PCDH15: variants seen among roughly 807,000 people sequenced by gnomAD.
PCDH15 encodes protocadherin-15.
In PCDH15, 129 loss-of-function variants were observed where a neutral mutation model predicts 178.5. That is an observed-to-expected ratio of 0.72 (90% CI 0.63 to 0.84). PCDH15 has a LOEUF of 0.84. Among genes scored for constraint, PCDH15 ranks in the 40% least tolerant of loss-of-function variants. PCDH15 has a pLI of 0.00. For synonymous variants in PCDH15, 800 were observed against 732.0 expected, an observed-to-expected ratio of 1.09 and a Z score of -1.50; for missense variants, 2,230 against 2,099.9, an observed-to-expected ratio of 1.06 and a Z score of -1.21.
intron 3 of PCDH15, among the ~76,000 whole-genome samples, chr10:54,413,466 C>T (rs892591124): frequency 6.6e-6 from 1 of 152,104 alleles, no homozygotes; most frequent in Admixed American, 6.5e-5. Flanking sequence ...ATTTTATGTA[C>T]ACTACTATTT....
At chr10:54,548,318 T>C (rs2086117702) in intron 2 of PCDH15, among the ~76,000 whole-genome samples, 1 of 148,350 alleles carries the variant, frequency 6.7e-6, no homozygotes. Flanking sequence ...CCTTTAACAG[T>C]TTTAGATTTT....
chr10:54,274,790 G>A (rs1006581514), intron 8 of PCDH15, among the ~76,000 whole-genome samples: 2 of 151,874 alleles, frequency 1.3e-5, no homozygotes, highest in African/African-American at 4.8e-5. Flanking sequence ...TAATGCAGAA[G>A]CCTTCATAAC....
intron 3 of PCDH15, among the ~76,000 whole-genome samples, chr10:54,888,789 C>CTTTTTTTTTTTTTTTTTTTTTTTT (rs59914980): frequency 9.1e-6 from 1 of 110,170 alleles, no homozygotes; most frequent in African/African-American, 3.3e-5. Flanking sequence ...TTCATTTTTT[C>CTTTTTTTTTTTTTTTTTTTTTTTT]TTTTTTTTTT....
chr10:55,031,861 C>T (rs568905320), intron 2 of PCDH15, among the ~76,000 whole-genome samples: 2 of 152,228 alleles, frequency 1.3e-5, no homozygotes, highest in South Asian at 4.1e-4. Flanking sequence ...GAGAAAAACA[C>T]ATTTTTGTTC....
At chr10:55,523,753 C>T (rs1338332624) in intron 2 of PCDH15, among the ~76,000 whole-genome samples, 1 of 151,576 alleles carries the variant, frequency 6.6e-6, no homozygotes, top group Non-Finnish European at 1.5e-5. Context: ...CAATGCTAAT[C>T]AAGGTAGAAA....
Position 53,821,102 on chromosome 10 carries a change from A to G in PCDH15, c.4368-872T>C, listed in dbSNP as rs1295559878. ...ACAATGAAATGCCTTACAAAAGTCA[A>G]CGACTCAAGATTTATTTTCATTATA... On this transcript the variant is annotated intron_variant, in intron 32 of 37. Transcript: ENST00000644397. 3.1e-6 allele frequency: 3 copies of G among 979,510 alleles called. No individual in the cohort carries two copies. The African/African-American group carries it at 5.3e-5, about 17-fold the overall frequency. The allele number at this position is 979,510 out of a possible 1,614,324, so 60.7% of individuals were successfully genotyped here. A position where few individuals can be genotyped will look rare whatever the true frequency, so the allele number is the denominator to read the frequency against.
At chr10:54,792,312 A>G (rs1427685161) in intron 1 of PCDH15, among the ~76,000 whole-genome samples, 1 of 151,918 alleles carries the variant, frequency 6.6e-6, no homozygotes, top group Non-Finnish European at 1.5e-5. Context: ...TCAAGTAGGG[A>G]GCAGATTTTT....
intron 1 of PCDH15, among the ~76,000 whole-genome samples, chr10:54,699,973 C>A (rs1383990960): frequency 6.6e-6 from 1 of 151,964 alleles, no homozygotes; most frequent in Non-Finnish European, 1.5e-5. Context: ...ATCTATTTTA[C>A]AAATGATGCT....
chr10:54,610,662 G>A (rs2092932297), intron 2 of PCDH15, among the ~76,000 whole-genome samples: 1 of 151,774 alleles, frequency 6.6e-6, no homozygotes, highest in South Asian at 2.1e-4. Flanking sequence ...TGTCTTTTCA[G>A]TAGAGTTCTG....
intron 1 of PCDH15, among the ~76,000 whole-genome samples, chr10:54,780,483 G>A (rs1950249796): frequency 6.6e-6 from 1 of 152,020 alleles, no homozygotes; most frequent in South Asian, 2.1e-4. Flanking sequence ...TTGAGGATGG[G>A]ATTTTTTAAT....
At chr10:54,662,602 T>C (rs1168248449) in intron 2 of PCDH15, among the ~76,000 whole-genome samples, 1 of 151,904 alleles carries the variant, frequency 6.6e-6, no homozygotes, top group African/African-American at 2.4e-5. Context: ...ACAACAAGCT[T>C]ACGAAGAAAA....
chr10:55,414,739 T>G (rs1838432255), intron 2 of PCDH15, among the ~76,000 whole-genome samples: 1 of 150,710 alleles, frequency 6.6e-6, no homozygotes, highest in Non-Finnish European at 1.5e-5. Context: ...TCCTGTAACT[T>G]TACTGAATTC....
At chr10:55,449,011 ATGTG>A (rs1839376759) in intron 2 of PCDH15, among the ~76,000 whole-genome samples, 1 of 152,004 alleles carries the variant, frequency 6.6e-6, no homozygotes, top group Admixed American at 6.6e-5. Flanking sequence ...TTTAATCCCA[ATGTG>A]TGCTAATGAA....
rs77372689 is a variant in PCDH15 at position 54,964,183 on chromosome 10, A to G, written c.-79-66683T>C. Among the ~76,000 whole-genome samples the G allele has an allele frequency of 6.0e-3, 919 of 152,272 alleles. 7 individuals are homozygous for G. The highest frequency in any genetic ancestry group is 0.02 in the African/African-American group (843 of 41,552). Reference sequence around the variant, plus strand: ...TTCCTAAGAAAAGAACTTAGATAAGACAAATGGAACTTTTTCAAGTTTTAA... The same window carrying G: ...TTCCTAAGAAAAGAACTTAGATAAGGCAAATGGAACTTTTTCAAGTTTTAA... On this transcript the variant is annotated intron_variant, in intron 2 of 5. Coordinates refer to the PCDH15 transcript ENST00000458638.
intron 2 of PCDH15, among the ~76,000 whole-genome samples, chr10:54,541,940 T>C (rs181771763): frequency 1.7e-3 from 262 of 152,288 alleles, no homozygotes; most frequent in Non-Finnish European, 2.7e-3. Context: ...GTACTTTGAC[T>C]ACTAAATAAA....
intron 2 of PCDH15, among the ~76,000 whole-genome samples, chr10:55,089,159 T>C (rs1017215337): frequency 6.6e-6 from 1 of 152,148 alleles, no homozygotes; most frequent in Admixed American, 6.6e-5. Context: ...TAATGTTTCA[T>C]AAAACCAAAT....
At chr10:54,333,067 T>G (rs566030264) in intron 6 of PCDH15, among the ~76,000 whole-genome samples, 2 of 152,152 alleles carry the variant, frequency 1.3e-5, no homozygotes, top group African/African-American at 4.8e-5. Context: ...CCTCAGCCTC[T>G]GAGTAGATAG....
chr10:54,163,716 A>G (rs960413269), intron 13 of PCDH15, among the ~76,000 whole-genome samples: 29 of 152,256 alleles, frequency 1.9e-4, no homozygotes, highest in Admixed American at 1.2e-3. Context: ...CTTTTAGGCA[A>G]ACATATTAAC....
chr10:54,697,413 T>C (rs7068489), intron 1 of PCDH15, among the ~76,000 whole-genome samples: 132,473 of 151,308 alleles, frequency 0.88, 58,656 homozygotes, highest in Middle Eastern at 0.94. Context: ...CATGATTACC[T>C]GAGAACACAG....
Sources: allele counts gnomAD v4.1 joint callset (sites outside exome capture counted in the v4.1 genomes callset), GRCh38; gene constraint gnomAD v4.1.1; transcripts MANE v1.5; gene names NCBI Gene and HGNC (gene_info 2026-07-23, HGNC 2026-07-21).